Variants in CREB5 observed in about 807,000 individuals in gnomAD.
The protein encoded by CREB5 is cAMP responsive element binding protein 5, also known as cyclic AMP-responsive element-binding protein 5.
Under a neutral mutation model 57.1 loss-of-function variants are expected in CREB5, and 19 were observed. That is an observed-to-expected ratio of 0.33 (90% CI 0.23 to 0.49). The LOEUF (loss-of-function observed/expected upper bound fraction) is 0.49. Among genes scored for constraint, CREB5 ranks in the 20% least tolerant of loss-of-function variants. The pLI is 0.99. For missense variants in CREB5, 579 were observed against 671.6 expected, an observed-to-expected ratio of 0.86 and a Z score of 1.52; for synonymous variants, 238 against 238.3, an observed-to-expected ratio of 1.00 and a Z score of 0.01.
chr7:28,386,413 T>C (rs569721243), intron 1 of CREB5, among the ~76,000 whole-genome samples: 21 of 152,362 alleles, frequency 1.4e-4, no homozygotes, highest in African/African-American at 5.0e-4. Context: ...TTAACTATCC[T>C]TATTTTATAG....
chr7:28,603,651 T>TAC (rs1247406057), intron 5 of CREB5, among the ~76,000 whole-genome samples: 6 of 152,234 alleles, frequency 3.9e-5, no homozygotes, highest in Non-Finnish European at 5.9e-5. Flanking sequence ...GAATGTGTCA[T>TAC]ACACATTGTC....
chr7:28,663,929 A>T (rs1250169305), intron 5 of CREB5, among the ~76,000 whole-genome samples: 1 of 152,206 alleles, frequency 6.6e-6, no homozygotes, highest in Non-Finnish European at 1.5e-5. Context: ...AGTGCAGGCT[A>T]AATTCTTCTG....
At chr7:28,521,066 T>C (rs574699176) in intron 4 of CREB5, among the ~76,000 whole-genome samples, 1 of 152,232 alleles carries the variant, frequency 6.6e-6, no homozygotes, top group South Asian at 2.1e-4. Flanking sequence ...CCTTAAGAGG[T>C]ACCATTAATA....
At chr7:28,507,560 GC>G in intron 3 of CREB5, 55 bp from the exon 4 acceptor site, 3 of 1,553,416 alleles carry the variant, frequency 1.9e-6, no homozygotes, top group Non-Finnish European at 2.6e-6. Flanking sequence ...GCTCATGCTT[GC>G]TACTGGCTTT....
intron 7 of CREB5, among the ~76,000 whole-genome samples, chr7:28,788,817 C>T (rs1477654700): frequency 1.4e-5 from 2 of 147,218 alleles, no homozygotes; most frequent in Non-Finnish European, 3.0e-5. Context: ...CAGGTTAAAA[C>T]CCTCTTCTGG....
chr7:28,724,385 A>T (rs747317599), intron 7 of CREB5, 53 bp downstream of exon 7: 2 of 1,483,620 alleles, frequency 1.3e-6, no homozygotes, highest in Non-Finnish European at 1.9e-6. Context: ...TTTCTTTTGA[A>T]TTTTACTCTG....
At chr7:28,426,572 C>T (rs1228527562) in intron 1 of CREB5, among the ~76,000 whole-genome samples, 1 of 152,224 alleles carries the variant, frequency 6.6e-6, no homozygotes, top group Non-Finnish European at 1.5e-5. Context: ...TCCAGACACA[C>T]ACGTGCACAC....
chr7:28,760,779 A>G lies in CREB5; in HGVS notation c.702+36447A>G, dbSNP rs549557439. Among the ~76,000 whole-genome samples the G allele has an allele frequency of 2.0e-5, 3 of 152,372 alleles. No individual in the cohort carries two copies. In the South Asian group the frequency reaches 6.2e-4, roughly 32 times the overall value. ...TAAAGCCTACCTATGACTGGCTTTC[A>G]CAGTAATGTCTCTGTGAGCCTACAG... On this transcript the variant is annotated intron_variant, in intron 7 of 10. Transcript: ENST00000357727.
At chr7:28,577,517 G>A (rs1395118746) in intron 5 of CREB5, among the ~76,000 whole-genome samples, 1 of 152,118 alleles carries the variant, frequency 6.6e-6, no homozygotes, top group African/African-American at 2.4e-5. Flanking sequence ...TACTAGTTTG[G>A]CATGCATGAT....
intron 5 of CREB5, among the ~76,000 whole-genome samples, chr7:28,685,175 T>A (rs1800805589): frequency 6.6e-6 from 1 of 152,176 alleles, no homozygotes; most frequent in South Asian, 2.1e-4. Context: ...GCACAGCCTG[T>A]CTTTCATTTT....
chr7:28,613,697 C>T (rs148788454), intron 5 of CREB5, among the ~76,000 whole-genome samples: 16 of 152,308 alleles, frequency 1.1e-4, no homozygotes, highest in African/African-American at 3.6e-4. Context: ...TGGACCAGAT[C>T]TCGCCAACAA....
intron 1 of CREB5, among the ~76,000 whole-genome samples, chr7:28,383,436 G>C (rs1787007405): frequency 6.6e-6 from 1 of 152,168 alleles, no homozygotes; most frequent in Non-Finnish European, 1.5e-5. Context: ...TTGGCTCAGG[G>C]TTCTGCAGGC....
intron 7 of CREB5, among the ~76,000 whole-genome samples, chr7:28,735,542 A>G (rs1803924399): frequency 6.6e-6 from 1 of 152,212 alleles, no homozygotes; most frequent in Admixed American, 6.5e-5. Flanking sequence ...TCCATTCTCA[A>G]GCAAGAAAGT....
intron 5 of CREB5, among the ~76,000 whole-genome samples, chr7:28,610,274 C>T (rs971036802): frequency 2.6e-5 from 4 of 152,024 alleles, no homozygotes; most frequent in South Asian, 2.1e-4. Context: ...AGAGGGAAGG[C>T]GGTGAAAGGT....
intron 1 of CREB5, among the ~76,000 whole-genome samples, chr7:28,321,426 T>G (rs1424187987): frequency 2.0e-5 from 3 of 152,222 alleles, no homozygotes; most frequent in African/African-American, 7.2e-5. Flanking sequence ...CTTTTTCTTC[T>G]ATCTCTCTCT....
Position 28,669,737 on chromosome 7 carries a change from A to G in CREB5, c.465-49016A>G, listed in dbSNP as rs1036092353. Among the ~76,000 whole-genome samples, 10 of 152,342 alleles carry G rather than the reference A, an allele frequency of 6.6e-5. No individual in the cohort carries two copies. In the East Asian group the frequency reaches 1.7e-3, roughly 26 times the overall value. On this transcript the variant is annotated intron_variant, in intron 5 of 10. Transcript: ENST00000357727. Reference sequence around the variant, plus strand: ...GGCTACAAGCCAAGCTCATAGAAGTAAAGCATTTACTGTTTTACCGTAAGC... The same window carrying G: ...GGCTACAAGCCAAGCTCATAGAAGTGAAGCATTTACTGTTTTACCGTAAGC...
chr7:28,316,416 T>C (rs762945524), intron 1 of CREB5, among the ~76,000 whole-genome samples: 4 of 152,060 alleles, frequency 2.6e-5, no homozygotes, highest in Admixed American at 1.3e-4. Flanking sequence ...GTGTCAGTAA[T>C]AAATAGTTTA....
intron 1 of CREB5, among the ~76,000 whole-genome samples, chr7:28,460,967 T>G (rs937194126): frequency 1.3e-5 from 2 of 151,910 alleles, no homozygotes; most frequent in Non-Finnish European, 1.5e-5. Flanking sequence ...GGCAGGAGGA[T>G]TGCTTGTGCC....
Position 28,342,911 on chromosome 7 carries a change from C to T in CREB5, c.-25+43470C>T, listed in dbSNP as rs1164187043. Among the ~76,000 whole-genome samples, 12 of 152,008 alleles carry T rather than the reference C, an allele frequency of 7.9e-5. 1 individual carries two copies. The highest frequency in any genetic ancestry group is 7.9e-4 in the Admixed American group (12 of 15,260). On this transcript the variant is annotated intron_variant, in intron 1 of 9. Transcript: ENST00000396299. ...TCTTTGTGGTGAGAACATTCAGAAT[C>T]CTTTCTTCTGGCTATTTTGAAATAT... is the stretch of plus-strand genomic sequence containing the variant.
Sources: allele counts gnomAD v4.1 joint callset (sites outside exome capture counted in the v4.1 genomes callset), GRCh38; gene constraint gnomAD v4.1.1; transcripts MANE v1.5; gene names NCBI Gene and HGNC (gene_info 2026-07-23, HGNC 2026-07-21).